Variants in PPL observed in about 807,000 individuals in gnomAD.
PPL encodes the protein 190 kDa paraneoplastic pemphigus antigen.
A neutral mutation model predicts 194.4 loss-of-function variants in PPL; 198 were observed. The observed-to-expected ratio is 1.02, with a 90% confidence interval of 0.91 to 1.15. The LOEUF (loss-of-function observed/expected upper bound fraction) is 1.15, where lower values mean the gene tolerates loss of function less well. PPL is among the 50% of genes most tolerant of loss of function. The pLI is 0.00. For missense variants in PPL, 2,885 were observed against 2,294.8 expected (o/e 1.26, Z -5.25); for synonymous variants, 1,220 against 972.4 (o/e 1.25, Z -4.74).
In PPL at chr16:4,902,846, C is replaced by T. The variant is rs759735166; in HGVS notation, c.318-320G>A. Among the ~76,000 whole-genome samples, 9 of 152,148 alleles carry T rather than the reference C, an allele frequency of 5.9e-5. No homozygotes were observed. The highest frequency in any genetic ancestry group is 1.0e-4 in the Non-Finnish European group (7 of 68,024). On this transcript the variant is annotated intron_variant, in intron 3 of 21. Transcript: ENST00000345988. This position sits in a 1 kb window ranked among gnomAD's most constrained non-coding sequence, Gnocchi z 4.0. ...CTGGGATTACAGGCATGTGCCACCT[C>T]GCCTGGGTAATTTTGTATTTTCAGT... is the stretch of plus-strand genomic sequence containing the variant.
rs1052246882 is a variant in PPL, at chr16:4,936,972, G to A, written c.62+12C>T. ...AGAGCGTCCCGGAGCGGAGCTGTGG[G>A]CGCCTCCTCACCTCCGGGTCTGCAC... On this transcript the variant is annotated intron_variant, in intron 1 of 21. Coordinates refer to ENST00000345988, the MANE Select transcript of PPL (RefSeq NM_002705.5). 1.3e-6 allele frequency: 2 copies of A among 1,586,268 alleles called. No individual in the cohort carries two copies. Among genetic ancestry groups the A allele is most frequent in the African/African-American group, 1.4e-5 (1 of 72,188 alleles).
intron 1 of PPL, among the ~76,000 whole-genome samples, chr16:4,924,821 C>CT (rs953411169): frequency 6.6e-6 from 1 of 152,242 alleles, no homozygotes; most frequent in African/African-American, 2.4e-5. Flanking sequence ...CCATCCCCTT[C>CT]TCCAGGCTGC....
chr16:4,911,099 A>C (rs940360565), intron 1 of PPL, 150 bp from the exon 2 acceptor site: 1 of 577,482 alleles, frequency 1.7e-6, no homozygotes, highest in African/African-American at 1.9e-5. Context: ...CTGTTCCCAT[A>C]GGGCAACATC....
At position 4,889,241 on chromosome 16, in the gene PPL, G is replaced by GGTTTTTTTTTTTTTTTTTTTTTTTTTTTT. The variant is rs1442783436; in HGVS notation, c.2314-181_2314-180insAAAAAAAAAAAAAAAAAAAAAAAAAAAAC. On this transcript the variant is annotated intron_variant, in intron 18 of 21. Coordinates refer to ENST00000345988, the MANE Select transcript of PPL (RefSeq NM_002705.5). Reference sequence around the variant, plus strand: ...AAAAGGCAGTTTTTTTGTTGTTGTTGTTTTTTTTTTTTTTTTTTTTTTTTT... The same window carrying GGTTTTTTTTTTTTTTTTTTTTTTTTTTTT: ...AAAAGGCAGTTTTTTTGTTGTTGTTGGTTTTTTTTTTTTTTTTTTTTTTTTTTTTTTTTTTTTTTTTTTTTTTTTTTTTT... Among the ~76,000 whole-genome samples, 18 of 66,632 alleles carry GGTTTTTTTTTTTTTTTTTTTTTTTTTTTT rather than the reference G, an allele frequency of 2.7e-4. 5 individuals are homozygous for GGTTTTTTTTTTTTTTTTTTTTTTTTTTTT. Among genetic ancestry groups the GGTTTTTTTTTTTTTTTTTTTTTTTTTTTT allele is most frequent in the South Asian group, 5.9e-4 (1 of 1,684 alleles). 43.7% of individuals were successfully genotyped at this position (66,632 alleles called of 152,430 possible).
At chr16:4,921,282 C>G (rs2089044590) in intron 1 of PPL, among the ~76,000 whole-genome samples, 1 of 152,186 alleles carries the variant, frequency 6.6e-6, no homozygotes. Flanking sequence ...AGGGTACTCC[C>G]AGGGACCAGA....
chr16:4,890,187 C>G lies in PPL; in HGVS notation c.2310G>C (p.Gln770His). ...GCTGCGGAAACGGCCATCTCACCTT[C>G]TGGTTCTTCAGCTTGGTCTCCATCT... ...LSQMETKLKN[Q>H]KNLLDEIASR... Residue 770 changes from glutamine (Q) to histidine (H), a missense_variant, in exon 18 of 22, where the codon CAG (glutamine) becomes CAC (histidine). Gln to His is a conservative substitution (Grantham distance 24). Transcript: ENST00000345988. 1.9e-6 allele frequency: 3 copies of G among 1,614,196 alleles called. No homozygotes were observed. The highest frequency in any genetic ancestry group is 2.2e-5 in the South Asian group (2 of 91,086).
rs186022966 is a variant in PPL, at chr16:4,927,785, C to G, written c.62+9199G>C. 2.6e-5 allele frequency among the ~76,000 whole-genome samples: 4 copies of G among 152,338 alleles called. No homozygotes were observed. The East Asian group carries it at 5.8e-4, about 22-fold the overall frequency. ...CTGTTTCTGCCCAGGGAAGGCCGCC[C>G]TGCCTCCAGGCCTCTGATGGGGCCT... On this transcript the variant is annotated intron_variant, in intron 1 of 21. Coordinates refer to ENST00000345988, the MANE Select transcript of PPL (RefSeq NM_002705.5).
At chr16:4,892,808 A>G (rs2088345169) in intron 14 of PPL, 1 of 172,522 alleles carries the variant, frequency 5.8e-6, no homozygotes, top group Non-Finnish European at 1.2e-5. Context: ...CCCCCCTGGC[A>G]TCAGCTCACC....
rs569940178 is a variant in PPL at position 4,903,320 on chromosome 16, A to G, written c.317+566T>C. Among the ~76,000 whole-genome samples the G allele has an allele frequency of 6.6e-5, 10 of 152,232 alleles. No homozygotes were observed. The East Asian group carries it at 1.9e-3, about 29-fold the overall frequency. On this transcript the variant is annotated intron_variant, in intron 3 of 21. Coordinates refer to ENST00000345988, the MANE Select transcript of PPL (RefSeq NM_002705.5). Reference sequence around the variant, plus strand: ...CAGGCAGCGGAAGAGCTCGCTCAAAAGCTCACAGGTCAGGCTGGTGGCTCC... The same window carrying G: ...CAGGCAGCGGAAGAGCTCGCTCAAAGGCTCACAGGTCAGGCTGGTGGCTCC...
At chr16:4,932,043 CCAGGCA>C (rs766814191) in intron 1 of PPL, among the ~76,000 whole-genome samples, 2 of 152,206 alleles carry the variant, frequency 1.3e-5, no homozygotes, top group Non-Finnish European at 2.9e-5. Context: ...GGAGCAGTCC[CCAGGCA>C]CAGTTGCTGC....
intron 3 of PPL, 34 bp downstream of exon 3, chr16:4,903,852 G>T: frequency 1.2e-6 from 2 of 1,610,418 alleles, no homozygotes. Context: ...AGCCCCCAAT[G>T]GCTCCCCTGG....
chr16:4,899,524 T>TA lies in PPL; in HGVS notation c.607-141_607-140insT, dbSNP rs1568013354. 3.5e-3 allele frequency: 3,080 copies of TA among 884,582 alleles called. 8 individuals carry two copies. Among genetic ancestry groups the TA allele is most frequent in the Non-Finnish European group, 4.7e-3 (2,800 of 597,930 alleles). The allele number at this position is 884,582 out of a possible 1,614,324, so 54.8% of individuals were successfully genotyped here. A position where few individuals can be genotyped will look rare whatever the true frequency, so the allele number is the denominator to read the frequency against. ...TGGGTGGCCTGAGGACAAGCCCAGC[T>TA]TAGCCACGTCCAGGCCAGTCCCCCT... On this transcript the variant is annotated intron_variant, in intron 6 of 21. Transcript: ENST00000345988.
rs2088230965 is a variant in PPL, at chr16:4,887,117, C to T, written c.2607+18G>A. 1.3e-6 allele frequency: 2 copies of T among 1,584,648 alleles called. No homozygotes were observed. Among genetic ancestry groups the T allele is most frequent in the East Asian group, 4.5e-5 (2 of 44,714 alleles). Reference sequence around the variant, plus strand: ...GTTAGAACAGCCTGAAGTAGAATTTCTTACTAAGATCAGTTACCTGTCTGA... The same window carrying T: ...GTTAGAACAGCCTGAAGTAGAATTTTTTACTAAGATCAGTTACCTGTCTGA... On this transcript the variant is annotated intron_variant, in intron 21 of 21. Coordinates refer to ENST00000345988, the MANE Select transcript of PPL (RefSeq NM_002705.5).
rs1377724728 is a variant in PPL, at chr16:4,895,709, T to C, written c.980A>G (p.Glu327Gly). ...KYMEDYHQFHEDVKDAQELLR... is the reference protein window; with the variant it reads ...KYMEDYHQFHGDVKDAQELLR... ...CAGCTCCTGAGCGTCCTTCACGTCT[T>C]CGTGAAACTAGGGGAGAAGGTGGCT... Residue 327 changes from glutamate to glycine, a missense_variant, in exon 10 of 22, where the codon GAA becomes GGA. Coordinates refer to ENST00000345988, the MANE Select transcript of PPL (RefSeq NM_002705.5). 3 of 1,613,732 alleles carry C rather than the reference T, an allele frequency of 1.9e-6. No individual in the cohort carries two copies. Among genetic ancestry groups the C allele is most frequent in the Non-Finnish European group, 2.5e-6 (3 of 1,179,962 alleles).
chr16:4,929,967 G>A lies in PPL; in HGVS notation c.62+7017C>T, dbSNP rs115992763. ...CCTCCCAAAGCGCTAGGACAAGTGC[G>A]AACCACTGCACCTGGTTCCCTAAGC... On this transcript the variant is annotated intron_variant, in intron 1 of 21. Transcript: ENST00000345988. Among the ~76,000 whole-genome samples, 514 of 152,072 alleles carry A rather than the reference G, an allele frequency of 3.4e-3. 5 individuals carry two copies. Among genetic ancestry groups the A allele is most frequent in the African/African-American group, 0.012 (489 of 41,488 alleles).
Position 4,900,764 on chromosome 16 carries a change from C to A in PPL, c.606+66G>T, listed in dbSNP as rs568750170. On this transcript the variant is annotated intron_variant, in intron 6 of 21. Transcript: ENST00000345988. ...ATTTTTAAAACAATACATCCTTGTCCCCCCGACTCCAAGCTTCCCATCCTC... is the reference window on the plus strand; with the variant it reads ...ATTTTTAAAACAATACATCCTTGTCACCCCGACTCCAAGCTTCCCATCCTC... 3 of 1,602,446 alleles carry A rather than the reference C, an allele frequency of 1.9e-6. No individual in the cohort carries two copies. The African/African-American group carries it at 4.0e-5, about 21-fold the overall frequency.
Position 4,901,120 on chromosome 16 carries a change from G to A in PPL, c.439-31C>T, listed in dbSNP as rs199717384. 28 of 1,611,918 alleles carry A rather than the reference G, an allele frequency of 1.7e-5. No homozygotes were observed. The East Asian group carries it at 6.0e-4, about 35-fold the overall frequency. ...CAGGAGGGCAGAGAAGCAATAAGGA[G>A]AGGGTGGGCTGAGGGCTGGGGACGT... On this transcript the variant is annotated intron_variant, in intron 4 of 21. Transcript: ENST00000345988.
intron 1 of PPL, among the ~76,000 whole-genome samples, chr16:4,923,280 C>T (rs1417702779): frequency 1.3e-5 from 2 of 152,226 alleles, no homozygotes; most frequent in African/African-American, 2.4e-5. Context: ...ATCAAAGTCA[C>T]CACTTCTTAC....
At chr16:4,904,104 A>T in intron 2 of PPL, 64 bp from the exon 3 acceptor site, 2 of 1,518,772 alleles carry the variant, frequency 1.3e-6, no homozygotes, top group Non-Finnish European at 1.8e-6. Context: ...TGGCAATGGG[A>T]GGGGTGGGAG....
Sources: gnomAD v4.1 joint callset for allele counts (sites outside exome capture counted in the v4.1 genomes callset) on GRCh38, gnomAD v4.1.1 for gene constraint, Gnocchi (gnomAD v3.1) non-coding constraint, MANE v1.5 for transcripts, NCBI Gene and HGNC (gene_info 2026-07-23, HGNC 2026-07-21) for gene names.